The following POTEH variants were observed in gnomAD, a reference collection of about 807,000 sequenced individuals.
The protein encoded by POTEH is POTE ankyrin domain family member H, also known as ANKRD26-like family C member 3.
Under a neutral mutation model 41.7 loss-of-function variants are expected in POTEH, and 6 were observed. The observed-to-expected ratio is 0.14, with a 90% CI of 0.08 to 0.28. POTEH has a LOEUF of 0.28. Among genes scored for constraint, POTEH ranks in the 10% least tolerant of loss-of-function variants. The pLI, the probability that POTEH is intolerant of heterozygous loss-of-function variation, is 1.00. For synonymous variants in POTEH, 38 were observed against 179.9 expected (o/e 0.21, Z 6.31); for missense variants, 115 against 533.5 (o/e 0.22, Z 7.73).
At chr22:15,696,025 A>G (rs1989424930) in intron 3 of POTEH, among the ~76,000 whole-genome samples, 1 of 57,826 alleles carries the variant, frequency 1.7e-5, no homozygotes, top group Non-Finnish European at 3.7e-5. Flanking sequence ...TTTTTAATGC[A>G]CTTGCGGTAA....
chr22:15,711,356 A>G (rs902262424), intron 9 of POTEH, among the ~76,000 whole-genome samples: 2 of 152,052 alleles, frequency 1.3e-5, no homozygotes, highest in African/African-American at 4.8e-5. Context: ...GCCACATAAT[A>G]AGCAAAATAC....
At chr22:15,697,179 TAAC>T (rs1030542266) in intron 3 of POTEH, among the ~76,000 whole-genome samples, 1 of 145,622 alleles carries the variant, frequency 6.9e-6, no homozygotes, top group African/African-American at 2.6e-5. Flanking sequence ...ACAGCAACAA[TAAC>T]AACAGCAACA....
At chr22:15,705,324 A>T (rs1601499443) in intron 6 of POTEH, among the ~76,000 whole-genome samples, 1 of 58,652 alleles carries the variant, frequency 1.7e-5, no homozygotes, top group African/African-American at 6.9e-5. Flanking sequence ...AAAGTTAGGA[A>T]TCTCAATTAC....
intron 1 of POTEH, among the ~76,000 whole-genome samples, chr22:15,691,072 A>C (rs796818149): frequency 2.4e-4 from 35 of 143,196 alleles, no homozygotes; most frequent in South Asian, 1.4e-3. Context: ...CCCATAACAC[A>C]TCAACTTCAG....
Position 15,690,801 on chromosome 22 carries a change from G to T in POTEH, c.632+92G>T. On this transcript the variant is annotated intron_variant, in intron 1 of 10. Transcript: ENST00000343518. ...GGGAGGAGGGGAGCCTGGTTTTCTTGCCTCCACAGGCCTCACACCACCCTG... is the reference window on the plus strand; with the variant it reads ...GGGAGGAGGGGAGCCTGGTTTTCTTTCCTCCACAGGCCTCACACCACCCTG... 3 of 1,370,322 alleles carry T rather than the reference G, an allele frequency of 2.2e-6. 1 individual carries two copies. Among genetic ancestry groups the T allele is most frequent in the Non-Finnish European group, 3.0e-6 (3 of 990,456 alleles). 84.9% of individuals were successfully genotyped at this position (1,370,322 alleles called of 1,614,324 possible). A position where few individuals can be genotyped will look rare whatever the true frequency, so the allele number is the denominator to read the frequency against.
At chr22:15,691,497 G>A (rs1389080597) in intron 1 of POTEH, among the ~76,000 whole-genome samples, 1 of 113,644 alleles carries the variant, frequency 8.8e-6, no homozygotes, top group East Asian at 2.2e-4. Flanking sequence ...CTGTAGTAGA[G>A]CCTGGGAGAC....
In POTEH at chr22:15,690,030, G is replaced by C. The variant is rs1194358881; in HGVS notation, c.-48G>C. 2.9e-6 allele frequency: 4 copies of C among 1,396,044 alleles called. 1 individual carries two copies. The highest frequency in any genetic ancestry group is 2.4e-5 in the South Asian group (2 of 84,374). The allele number at this position is 1,396,044 out of a possible 1,614,324, so 86.5% of individuals were successfully genotyped here. ...TGCCAGTTGGTGAAACTGGTTGGTA[G>C]ACGCGATCTGCTGGCTACTACCGGC... On this transcript the variant is annotated 5_prime_UTR_variant, in exon 1 of 11. Transcript: ENST00000343518.
intron 7 of POTEH, 149 bp downstream of exon 7, chr22:15,708,239 G>T (rs2212129): frequency 0.21 from 25,130 of 122,546 alleles, 26 homozygotes; most frequent in East Asian, 0.27. Context: ...TCTTTTGGCT[G>T]GGGGGGTGGC....
chr22:15,713,783 A>G (rs1989870107), intron 9 of POTEH, among the ~76,000 whole-genome samples: 1 of 152,308 alleles, frequency 6.6e-6, no homozygotes, highest in African/African-American at 2.4e-5. Flanking sequence ...TACAGGCATG[A>G]GCCACAGTGC....
At chr22:15,703,648 C>T (rs1601498921) in intron 6 of POTEH, among the ~76,000 whole-genome samples, 1 of 149,176 alleles carries the variant, frequency 6.7e-6, no homozygotes, top group South Asian at 2.3e-4. Flanking sequence ...ATGTTTCACA[C>T]TCACAAAAAT....
chr22:15,706,993 C>CT (rs1196209148), intron 6 of POTEH, among the ~76,000 whole-genome samples: 9 of 146,980 alleles, frequency 6.1e-5, no homozygotes, highest in Non-Finnish European at 3.0e-5. Flanking sequence ...TATTTTCATT[C>CT]TTTTTAGACC....
chr22:15,713,995 C>A (rs1270169765), intron 9 of POTEH, among the ~76,000 whole-genome samples: 1 of 150,402 alleles, frequency 6.6e-6, no homozygotes, highest in African/African-American at 2.5e-5. Context: ...CAAAATTGGG[C>A]TACTGATGGC....
At position 15,696,600 on chromosome 22, in the gene POTEH, AG is replaced by A. The variant is rs983716352; in HGVS notation, c.921+787del. ...GTAATGTAAGGGGAAACCCTTGAGCAGGGGGAATATCAAGTAATTAACTGAC... is the reference window on the plus strand; with the variant it reads ...GTAATGTAAGGGGAAACCCTTGAGCAGGGGAATATCAAGTAATTAACTGAC... On this transcript the variant is annotated intron_variant, in intron 3 of 10. Transcript: ENST00000343518. 3.3e-5 allele frequency among the ~76,000 whole-genome samples: 4 copies of A among 120,724 alleles called. 1 individual carries two copies. Among genetic ancestry groups the A allele is most frequent in the African/African-American group, 9.3e-5 (3 of 32,172 alleles). 79.2% of individuals were successfully genotyped at this position (120,724 alleles called of 152,430 possible). A position where few individuals can be genotyped will look rare whatever the true frequency, so the allele number is the denominator to read the frequency against.
chr22:15,714,772 CAGAA>C (rs1275718815), intron 9 of POTEH, among the ~76,000 whole-genome samples: 1 of 138,036 alleles, frequency 7.2e-6, no homozygotes, highest in African/African-American at 3.0e-5. Context: ...CGAGGACTAA[CAGAA>C]AGGAATTACG....
intron 1 of POTEH, 74 bp downstream of exon 1, chr22:15,690,783 G>T: frequency 7.2e-7 from 1 of 1,387,842 alleles, no homozygotes; most frequent in South Asian, 1.2e-5. Context: ...CCGGGGAGGA[G>T]GGGAGCCTGG....
chr22:15,692,150 G>A lies in POTEH; in HGVS notation c.632+1441G>A, dbSNP rs1332525535. On this transcript the variant is annotated intron_variant, in intron 1 of 10. Coordinates refer to ENST00000343518, the MANE Select transcript of POTEH (RefSeq NM_001136213.1). ...CTACTGAGTAGCTGGGATTACAGGCGCCTGCCACCACACCTGGCTAATTGT... is the reference window on the plus strand; with the variant it reads ...CTACTGAGTAGCTGGGATTACAGGCACCTGCCACCACACCTGGCTAATTGT... Among the ~76,000 whole-genome samples the A allele has an allele frequency of 1.2e-4, 16 of 129,416 alleles. 1 individual carries two copies. Among genetic ancestry groups the A allele is most frequent in the African/African-American group, 2.7e-4 (10 of 36,656 alleles). The allele number at this position is 129,416 out of a possible 152,430, so 84.9% of individuals were successfully genotyped here. A position where few individuals can be genotyped will look rare whatever the true frequency, so the allele number is the denominator to read the frequency against.
At chr22:15,692,009 A>ATATATAAAAATAAAAC (rs1421248855) in intron 1 of POTEH, among the ~76,000 whole-genome samples, 9 of 128,608 alleles carry the variant, frequency 7.0e-5, no homozygotes, top group African/African-American at 2.1e-4. Flanking sequence ...TATATATATA[A>ATATATAAAAATAAAAC]ATTTCTTTTT....
chr22:15,706,905 C>T (rs1487052301), intron 6 of POTEH, among the ~76,000 whole-genome samples: 2 of 151,090 alleles, frequency 1.3e-5, no homozygotes, highest in African/African-American at 4.8e-5. Flanking sequence ...TGCCCTCTAC[C>T]CCTTTTAATC....
chr22:15,705,444 GT>G (rs376615417), intron 6 of POTEH, among the ~76,000 whole-genome samples: 24 of 144,118 alleles, frequency 1.7e-4, no homozygotes, highest in African/African-American at 4.3e-4. Flanking sequence ...ATTGTTGGCA[GT>G]TTTTTTTTTC....
Sources: gnomAD v4.1 joint callset for allele counts (sites outside exome capture counted in the v4.1 genomes callset) on GRCh38, gnomAD v4.1.1 for gene constraint, MANE v1.5 for transcripts, NCBI Gene and HGNC (gene_info 2026-07-23, HGNC 2026-07-21) for gene names.